Variants in TMEM266 observed in about 807,000 individuals in gnomAD.
The protein encoded by TMEM266 is transmembrane protein 266.
In TMEM266, 33 loss-of-function variants were observed where a neutral mutation model predicts 50.5. The observed-to-expected ratio is 0.65, with a 90% confidence interval of 0.50 to 0.87. TMEM266 has a LOEUF of 0.87. Ranked by LOEUF, TMEM266 falls within the 40% of genes least tolerant of loss-of-function variation. The pLI is 0.00. For missense variants in TMEM266, 655 were observed against 695.1 expected (o/e 0.94, Z 0.65); for synonymous variants, 310 against 292.3 (o/e 1.06, Z -0.62).
chr15:76,201,491 C>A (rs1465436013), intron 9 of TMEM266, among the ~76,000 whole-genome samples: 1 of 152,200 alleles, frequency 6.6e-6, no homozygotes, highest in African/African-American at 2.4e-5. Flanking sequence ...AATCCTCCCA[C>A]CTCAGCCTCC....
chr15:76,169,945 A>T, intron 6 of TMEM266, 73 bp downstream of exon 6: 2 of 1,477,270 alleles, frequency 1.4e-6, no homozygotes. Flanking sequence ...TGTCCCATCC[A>T]TTCCAGGGTG....
intron 1 of TMEM266, among the ~76,000 whole-genome samples, chr15:76,090,644 G>C (rs545257069): frequency 4.3e-4 from 65 of 152,252 alleles, no homozygotes; most frequent in African/African-American, 1.5e-3. Context: ...GTTATCAACA[G>C]TGTCAAATTC....
intron 1 of TMEM266, among the ~76,000 whole-genome samples, chr15:76,088,828 T>C (rs1263078103): frequency 1.3e-5 from 2 of 150,202 alleles, no homozygotes; most frequent in Admixed American, 6.7e-5. Flanking sequence ...GCATGGTGGT[T>C]CACGCCTGTA....
intron 8 of TMEM266, among the ~76,000 whole-genome samples, chr15:76,184,464 C>A (rs1016085593): frequency 2.6e-5 from 4 of 152,226 alleles, no homozygotes; most frequent in African/African-American, 9.6e-5. Flanking sequence ...TAGTTTGCAA[C>A]TGTCTCCTGA....
In TMEM266 at chr15:76,160,863, G is replaced by A. The variant is rs2038008540; in HGVS notation, c.456+695G>A. Among the ~76,000 whole-genome samples, 1 of 152,218 alleles carries A rather than the reference G, an allele frequency of 6.6e-6. No homozygotes were observed. Among genetic ancestry groups the A allele is most frequent in the Admixed American group, 6.5e-5 (1 of 15,288 alleles). ...GGAGATCCGCAGGCCCCCGGGCTTG[G>A]TGCAGAAGCTGGCATGTCTGGGCAG... On this transcript the variant is annotated intron_variant, in intron 5 of 10. Coordinates refer to ENST00000388942, the MANE Select transcript of TMEM266 (RefSeq NM_152335.3). This position sits in a 1 kb window ranked among gnomAD's most constrained non-coding sequence, Gnocchi z 5.7.
chr15:76,117,836 G>C (rs577576629), intron 1 of TMEM266, among the ~76,000 whole-genome samples: 2 of 152,248 alleles, frequency 1.3e-5, no homozygotes, highest in East Asian at 3.9e-4. Flanking sequence ...CTTGAAGGAG[G>C]GACATGAAAG....
intron 5 of TMEM266, among the ~76,000 whole-genome samples, chr15:76,166,040 C>A (rs899625134): frequency 2.0e-5 from 3 of 152,162 alleles, no homozygotes; most frequent in African/African-American, 7.2e-5. Context: ...ACGTAAACCC[C>A]CCGATGCTGC....
intron 1 of TMEM266, among the ~76,000 whole-genome samples, chr15:76,114,484 C>G (rs2037217831): frequency 6.6e-6 from 1 of 152,166 alleles, no homozygotes; most frequent in Admixed American, 6.5e-5. Context: ...GCACACTGCA[C>G]TTCAGCCTGG....
intron 9 of TMEM266, among the ~76,000 whole-genome samples, chr15:76,199,762 G>GTCCC (rs10669067): frequency 6.1e-5 from 9 of 148,524 alleles, no homozygotes; most frequent in South Asian, 2.2e-4. Flanking sequence ...GTAAACACTA[G>GTCCC]TCCCTCCCTC....
intron 3 of TMEM266, 71 bp from the exon 4 acceptor site, chr15:76,156,532 GC>G: frequency 1.3e-6 from 2 of 1,532,766 alleles, no homozygotes; most frequent in Non-Finnish European, 1.8e-6. Flanking sequence ...TGAGAGCAGG[GC>G]TTTGGCCGGG....
At chr15:76,065,368 C>T (rs561951661) in intron 1 of TMEM266, among the ~76,000 whole-genome samples, 1 of 152,222 alleles carries the variant, frequency 6.6e-6, no homozygotes, top group East Asian at 1.9e-4. Flanking sequence ...TAATATAAAT[C>T]CAATGGCTGT....
rs748246059 is a variant in TMEM266, at chr15:76,078,246, CT to C, written c.-97+18233del. 1.3e-3 allele frequency among the ~76,000 whole-genome samples: 195 copies of C among 152,202 alleles called. 3 individuals are homozygous for C. Among genetic ancestry groups the C allele is most frequent in the African/African-American group, 4.3e-3 (178 of 41,444 alleles). Reference sequence around the variant, plus strand: ...TGGATCCCCTCAAGGTGCCCTGCCTCTTTGCTTTGATTCCATGCGACTTACA... The same window carrying C: ...TGGATCCCCTCAAGGTGCCCTGCCTCTTGCTTTGATTCCATGCGACTTACA... On this transcript the variant is annotated intron_variant, in intron 1 of 10. Transcript: ENST00000388942.
intron 5 of TMEM266, among the ~76,000 whole-genome samples, chr15:76,164,688 AG>A (rs1032818910): frequency 6.6e-6 from 1 of 152,252 alleles, no homozygotes; most frequent in Non-Finnish European, 1.5e-5. Flanking sequence ...AGGAAGTGCC[AG>A]GGGTCAGCCA....
rs8026731 is a variant in TMEM266 at position 76,150,252 on chromosome 15, T to G, written c.228-6352T>G. Among the ~76,000 whole-genome samples the G allele has an allele frequency of 9.2e-3, 1,398 of 152,278 alleles. 17 individuals are homozygous for G. The highest frequency in any genetic ancestry group is 0.032 in the African/African-American group (1,349 of 41,548). On this transcript the variant is annotated intron_variant, in intron 3 of 10. Coordinates refer to ENST00000388942, the MANE Select transcript of TMEM266 (RefSeq NM_152335.3). ...TGCAGTCCAGAAAGCTTTTGAGCCC[T>G]TGTCTAGCAGAGCCTTCCTGAAGGC...
intron 3 of TMEM266, among the ~76,000 whole-genome samples, chr15:76,148,523 T>C (rs2037790475): frequency 6.6e-6 from 1 of 152,106 alleles, no homozygotes; most frequent in Non-Finnish European, 1.5e-5. Flanking sequence ...AGCACCTCAT[T>C]CCCACCCCTA....
intron 1 of TMEM266, among the ~76,000 whole-genome samples, chr15:76,107,926 G>C (rs938761447): frequency 7.2e-5 from 11 of 152,178 alleles, no homozygotes; most frequent in African/African-American, 2.2e-4. Context: ...CTTTGCTTTG[G>C]GGGGAACATT....
intron 8 of TMEM266, among the ~76,000 whole-genome samples, chr15:76,182,907 C>T (rs1363688219): frequency 6.6e-6 from 1 of 152,068 alleles, no homozygotes; most frequent in Non-Finnish European, 1.5e-5. Flanking sequence ...AAAGAGGCAT[C>T]TGCCTGAGTC....
chr15:76,124,738 A>G (rs539921163), intron 1 of TMEM266, among the ~76,000 whole-genome samples: 1 of 152,296 alleles, frequency 6.6e-6, no homozygotes, highest in Non-Finnish European at 1.5e-5. Context: ...GTTTCAGGCT[A>G]CAGTGAGCTA....
chr15:76,164,857 A>G (rs117431340), intron 5 of TMEM266, among the ~76,000 whole-genome samples: 1 of 152,032 alleles, frequency 6.6e-6, no homozygotes, highest in Admixed American at 6.5e-5. Context: ...CGGGCCCCAC[A>G]TGGGGATGGC....
Sources: allele counts gnomAD v4.1 joint callset (sites outside exome capture counted in the v4.1 genomes callset), GRCh38; gene constraint gnomAD v4.1.1; non-coding constraint Gnocchi (gnomAD v3.1); transcripts MANE v1.5; gene names NCBI Gene and HGNC (gene_info 2026-07-23, HGNC 2026-07-21).